TRIT1: variants seen among roughly 807,000 people sequenced by gnomAD.
The protein encoded by TRIT1 is tRNA isopentenyltransferase 1.
TRIT1 carries 43 observed loss-of-function variants against 51.2 expected under a neutral mutation model. The ratio of observed to expected loss-of-function variants is 0.84; its 90% CI spans 0.66 to 1.08. The LOEUF (loss-of-function observed/expected upper bound fraction) is 1.08, where lower values mean the gene tolerates loss of function less well. Among genes scored for constraint, TRIT1 ranks in the 50% least tolerant of loss-of-function variants. The pLI is 0.00. For synonymous variants in TRIT1, 184 were observed against 203.9 expected, an observed-to-expected ratio of 0.90 and a Z score of 0.83; for missense variants, 528 against 578.4, an observed-to-expected ratio of 0.91 and a Z score of 0.89.
chr1:39,876,768 A>T (rs1380914262), intron 1 of TRIT1, among the ~76,000 whole-genome samples: 1 of 151,618 alleles, frequency 6.6e-6, no homozygotes, highest in East Asian at 1.9e-4. Context: ...CTCTACTAAA[A>T]ATACAAAAAA....
chr1:39,844,373 A>G (rs181192056), intron 9 of TRIT1, among the ~76,000 whole-genome samples, 155 bp from the exon 10 acceptor site: 4 of 152,356 alleles, frequency 2.6e-5, no homozygotes, highest in African/African-American at 9.6e-5. Context: ...TCTGAATGTA[A>G]AAGTAGAAAA....
rs373274589 is a variant in TRIT1, at chr1:39,863,386, G to A, written c.175-5969C>T. On this transcript the variant is annotated intron_variant, in intron 1 of 10. Coordinates refer to ENST00000316891, the MANE Select transcript of TRIT1 (RefSeq NM_017646.6). ...GAGGCAGGAGGACTGCTTAGGCCCA[G>A]GAGTCCAAGGCTATAGTGAGCTAAA... Among the ~76,000 whole-genome samples, 6 of 152,258 alleles carry A rather than the reference G, an allele frequency of 3.9e-5. No homozygotes were observed. The East Asian group carries it at 9.7e-4, about 24-fold the overall frequency.
intron 2 of TRIT1, among the ~76,000 whole-genome samples, chr1:39,855,258 A>G (rs1283743834): frequency 6.6e-6 from 1 of 152,198 alleles, no homozygotes; most frequent in Non-Finnish European, 1.5e-5. Flanking sequence ...CCTCTTTTCT[A>G]CTAGAATCCC....
At chr1:39,847,375 C>CAGG (rs1642292643) in intron 7 of TRIT1, 78 bp from the exon 8 acceptor site, 1 of 1,514,334 alleles carries the variant, frequency 6.6e-7, no homozygotes, top group South Asian at 1.1e-5. Context: ...CCCAGCCCAG[C>CAGG]AGGAAAAAGT....
At position 39,883,449 on chromosome 1, in the gene TRIT1, C is replaced by G; in HGVS notation, c.43G>C (p.Gly15Arg). The change falls in exon 1 of 11, where the codon GGG becomes CGG. Residue 15 changes from glycine (G) to arginine (R), a missense_variant. Coordinates refer to ENST00000316891, the MANE Select transcript of TRIT1 (RefSeq NM_017646.6). Reference protein sequence around the residue: ...AAARAVPVGSGLRGLQRTLPL... With the variant: ...AAARAVPVGSRLRGLQRTLPL... ...AGGGTCCGTTGCAGGCCCCTGAGCCCACTGCCCACGGGAACTGCTCGTGCA... is the reference window on the plus strand; with the variant it reads ...AGGGTCCGTTGCAGGCCCCTGAGCCGACTGCCCACGGGAACTGCTCGTGCA... 6.2e-7 allele frequency: 1 copy of G among 1,609,568 alleles called. No homozygotes were observed. Among genetic ancestry groups the G allele is most frequent in the Non-Finnish European group, 8.5e-7 (1 of 1,176,504 alleles).
rs899214919 is a variant in TRIT1 at position 39,844,128 on chromosome 1, T to C, written c.1207A>G (p.Ile403Val). The change falls in exon 10 of 11, where the codon ATC (isoleucine) becomes GTC (valine). Residue 403 changes from isoleucine to valine, a missense_variant. By Grantham distance (29) the Ile-to-Val change is conservative. Coordinates refer to ENST00000316891, the MANE Select transcript of TRIT1 (RefSeq NM_017646.6). ...SYHLCDLCDR[I>V]IIGDREWAAH... ...GCCCATTCGCGATCCCCAATGATGA[T>C]TCGATCACAGAGGTCACACAGGTGA... is the stretch of plus-strand genomic sequence containing the variant. 1 of 1,613,872 alleles carries C rather than the reference T, an allele frequency of 6.2e-7. No homozygotes were observed. Among genetic ancestry groups the C allele is most frequent in the Non-Finnish European group, 8.5e-7 (1 of 1,179,748 alleles).
At chr1:39,871,529 G>C (rs1018741809) in intron 1 of TRIT1, among the ~76,000 whole-genome samples, 2 of 147,500 alleles carry the variant, frequency 1.4e-5, no homozygotes, top group African/African-American at 2.5e-5. Flanking sequence ...GCAGTGAGCC[G>C]AGATGGCGCC....
intron 4 of TRIT1, among the ~76,000 whole-genome samples, chr1:39,852,102 T>C (rs1642613160): frequency 6.6e-6 from 1 of 152,198 alleles, no homozygotes; most frequent in African/African-American, 2.4e-5. Flanking sequence ...GATGTTACTT[T>C]AATATTTAAT....
intron 1 of TRIT1, among the ~76,000 whole-genome samples, chr1:39,862,623 A>C (rs1202442924): frequency 6.6e-6 from 1 of 152,234 alleles, no homozygotes; most frequent in Non-Finnish European, 1.5e-5. Context: ...ACCAGGCATA[A>C]ATATCTAAAC....
At chr1:39,876,294 T>C (rs931142434) in intron 1 of TRIT1, among the ~76,000 whole-genome samples, 67 of 152,332 alleles carry the variant, frequency 4.4e-4, no homozygotes, top group African/African-American at 1.5e-3. Context: ...GCACTCATCC[T>C]CATGAATCTG....
chr1:39,857,164 T>C, intron 2 of TRIT1, 113 bp downstream of exon 2: 1 of 1,249,964 alleles, frequency 8.0e-7, no homozygotes, highest in Non-Finnish European at 1.1e-6. Context: ...TCCATCAGTA[T>C]TTAGGCCTTG....
At chr1:39,867,951 T>G (rs1643643923) in intron 1 of TRIT1, among the ~76,000 whole-genome samples, 1 of 151,960 alleles carries the variant, frequency 6.6e-6, no homozygotes, top group South Asian at 2.1e-4. Context: ...CAAGATTCTT[T>G]TTTTTTTTTT....
chr1:39,869,732 C>G (rs1204392832), intron 1 of TRIT1, among the ~76,000 whole-genome samples: 1 of 148,496 alleles, frequency 6.7e-6, no homozygotes, highest in African/African-American at 2.5e-5. Context: ...CATCTGGGAA[C>G]TGAGGAGTGT....
chr1:39,866,261 C>G (rs887457708), intron 1 of TRIT1, among the ~76,000 whole-genome samples: 17 of 152,274 alleles, frequency 1.1e-4, no homozygotes, highest in Admixed American at 5.9e-4. Context: ...CAACCTCCCC[C>G]TCCCAGGTTC....
At chr1:39,863,335 C>T (rs11587573) in intron 1 of TRIT1, among the ~76,000 whole-genome samples, 2,752 of 152,194 alleles carry the variant, frequency 0.018, 62 homozygotes, top group East Asian at 0.11. Context: ...TGTGGTGGCA[C>T]GTGCCTCCCG....
chr1:39,856,487 G>GAAA (rs61518870), intron 2 of TRIT1, among the ~76,000 whole-genome samples: 6 of 108,692 alleles, frequency 5.5e-5, no homozygotes, highest in South Asian at 3.1e-4. Context: ...GTCTCTAGGA[G>GAAA]AAAAAAAAAA....
At position 39,880,267 on chromosome 1, in the gene TRIT1, A is replaced by AT. The variant is rs774989105; in HGVS notation, c.174+3050dup. ...CCGGGGCAACAGAGCAAGACCTCAAATAAAAAAAAAAAAAAAAAAAAAAAA... is the reference window on the plus strand; with the variant it reads ...CCGGGGCAACAGAGCAAGACCTCAAATTAAAAAAAAAAAAAAAAAAAAAAAA... On this transcript the variant is annotated intron_variant, in intron 1 of 10. Transcript: ENST00000316891. 3.8e-3 allele frequency among the ~76,000 whole-genome samples: 423 copies of AT among 111,024 alleles called. 18 individuals carry two copies. The highest frequency in any genetic ancestry group is 6.6e-3 in the East Asian group (28 of 4,244). The allele number at this position is 111,024 out of a possible 152,430, so 72.8% of individuals were successfully genotyped here. A position where few individuals can be genotyped will look rare whatever the true frequency, so the allele number is the denominator to read the frequency against.
At chr1:39,866,431 ACACT>A (rs1359900954) in intron 1 of TRIT1, among the ~76,000 whole-genome samples, 1 of 152,228 alleles carries the variant, frequency 6.6e-6, no homozygotes, top group Admixed American at 6.5e-5. Flanking sequence ...AAAGATGTTG[ACACT>A]CACTGGGAAG....
chr1:39,852,790 G>A lies in TRIT1; in HGVS notation c.501C>T (p.Ser167=), dbSNP rs562711349. The change falls in exon 4 of 11, where the codon AGC becomes AGT. Residue 167 remains serine, a synonymous_variant. Coordinates refer to ENST00000316891, the MANE Select transcript of TRIT1 (RefSeq NM_017646.6). The stretch of plus-strand genomic sequence containing the variant: ...TGGCAGCCATTTCTGGGTCCACCTG[G>A]CTTAGGCGTTTGTGAAGTACAAGAC... ...EDGLVLHKRL[S]QVDPEMAAKL... 1.9e-6 allele frequency: 3 copies of A among 1,614,168 alleles called. No individual in the cohort carries two copies. Among genetic ancestry groups the A allele is most frequent in the Middle Eastern group, 1.6e-4 (1 of 6,062 alleles).
Sources: allele counts gnomAD v4.1 joint callset (sites outside exome capture counted in the v4.1 genomes callset), GRCh38; gene constraint gnomAD v4.1.1; transcripts MANE v1.5; gene names NCBI Gene and HGNC (gene_info 2026-07-23, HGNC 2026-07-21).